Variants in HEATR5A observed in about 807,000 individuals in gnomAD.
HEATR5A encodes HEAT repeat containing 5A.
A neutral mutation model predicts 218.8 loss-of-function variants in HEATR5A; 178 were observed. The ratio of observed to expected loss-of-function variants is 0.81; its 90% CI spans 0.72 to 0.92. The LOEUF is 0.92. Among genes scored for constraint, HEATR5A ranks in the 40% least tolerant of loss-of-function variants. The pLI, the probability that HEATR5A is intolerant of heterozygous loss-of-function variation, is 0.00. For missense variants in HEATR5A, 2,420 were observed against 2,418.9 expected, an observed-to-expected ratio of 1.00 and a Z score of -0.01; for synonymous variants, 864 against 871.6, an observed-to-expected ratio of 0.99 and a Z score of 0.15.
chr14:31,371,593 C>T, intron 13 of HEATR5A: 1 of 340,242 alleles, frequency 2.9e-6, no homozygotes, highest in Non-Finnish European at 5.3e-6. Context: ...CTTGTTAAAT[C>T]TGCCTGTATG....
At chr14:31,396,940 G>A (rs2030677899) in intron 4 of HEATR5A, among the ~76,000 whole-genome samples, 2 of 152,132 alleles carry the variant, frequency 1.3e-5, no homozygotes, top group Admixed American at 6.5e-5. Context: ...GGAATTAGGA[G>A]GAAGAAAGTT....
At chr14:31,349,395 A>G (rs1901135315) in intron 18 of HEATR5A, among the ~76,000 whole-genome samples, 1 of 152,096 alleles carries the variant, frequency 6.6e-6, no homozygotes, top group South Asian at 2.1e-4. Context: ...AAAAAAAAAA[A>G]GACATGAAAG....
At chr14:31,302,570 G>T in intron 32 of HEATR5A, 51 bp from the exon 33 acceptor site, 2 of 1,215,180 alleles carry the variant, frequency 1.6e-6, no homozygotes, top group Admixed American at 2.3e-5. Context: ...TATATATATG[G>T]TTTCTAAAAA....
chr14:31,390,708 C>T (rs1298987206), intron 6 of HEATR5A, among the ~76,000 whole-genome samples: 2 of 151,990 alleles, frequency 1.3e-5, no homozygotes, highest in African/African-American at 2.4e-5. Flanking sequence ...GTGATGTTCA[C>T]GTAAACAACC....
chr14:31,320,488 C>A, intron 25 of HEATR5A: 2 of 1,358,136 alleles, frequency 1.5e-6, no homozygotes, highest in Middle Eastern at 2.1e-4. Flanking sequence ...CCCGTCTGGC[C>A]ACCTGGAGTG....
chr14:31,328,097 T>C (rs1393774546), intron 22 of HEATR5A, among the ~76,000 whole-genome samples: 1 of 152,044 alleles, frequency 6.6e-6, no homozygotes, highest in Non-Finnish European at 1.5e-5. Flanking sequence ...TACAGGCATG[T>C]GCTACCATGC....
chr14:31,383,877 C>T, intron 9 of HEATR5A, 106 bp from the exon 10 acceptor site: 1 of 826,824 alleles, frequency 1.2e-6, no homozygotes, highest in Non-Finnish European at 1.8e-6. Flanking sequence ...ATATTTTTAT[C>T]AAAAGCCACA....
Position 31,292,857 on chromosome 14 carries a change from A to C in HEATR5A, c.*448T>G, listed in dbSNP as rs1899066532. 1 of 153,794 alleles carries C rather than the reference A, an allele frequency of 6.5e-6. No individual in the cohort carries two copies. The highest frequency in any genetic ancestry group is 6.5e-5 in the Admixed American group (1 of 15,478). The allele number at this position is 153,794 out of a possible 1,614,324, so 9.5% of individuals were successfully genotyped here. ...TGGCCTTCCAAAGTGCTGGAATTAC[A>C]GGGATGAGCCACTGTGCCGGGCCAA... On this transcript the variant is annotated 3_prime_UTR_variant, in exon 36 of 36. Transcript: ENST00000543095.
chr14:31,349,845 G>A lies in HEATR5A; in HGVS notation c.2652C>T (p.Ala884=). 6.2e-7 allele frequency: 1 copy of A among 1,612,986 alleles called. No homozygotes were observed. The highest frequency in any genetic ancestry group is 8.5e-7 in the Non-Finnish European group (1 of 1,179,200). The change falls in exon 18 of 36, where the codon GCC becomes GCT. Residue 884 remains alanine, a synonymous_variant. Coordinates refer to ENST00000543095, the MANE Select transcript of HEATR5A (RefSeq NM_015473.4). Reference sequence around the variant, plus strand: ...TAAAAGCTCCATCATCTACCACTTGGGCTAATCTAGCCCATGACTCTGCAG... The same window carrying A: ...TAAAAGCTCCATCATCTACCACTTGAGCTAATCTAGCCCATGACTCTGCAG... The part of the protein sequence containing the change: ...CAAAESWARL[A]QVVDDGAFTA...
At chr14:31,299,116 C>T (rs1409490823) in intron 33 of HEATR5A, among the ~76,000 whole-genome samples, 1 of 152,210 alleles carries the variant, frequency 6.6e-6, no homozygotes, top group Non-Finnish European at 1.5e-5. Context: ...CCATAGGTTA[C>T]ACTGACAGCT....
intron 26 of HEATR5A, among the ~76,000 whole-genome samples, chr14:31,316,751 G>A (rs1019943088): frequency 3.9e-5 from 6 of 152,152 alleles, no homozygotes; most frequent in Non-Finnish European, 8.8e-5. Context: ...GGAATGCAGT[G>A]GTGGCATTAC....
chr14:31,300,174 TAC>T (rs1212949808), intron 33 of HEATR5A, among the ~76,000 whole-genome samples: 1 of 152,172 alleles, frequency 6.6e-6, no homozygotes, highest in African/African-American at 2.4e-5. Flanking sequence ...TCACGACTCT[TAC>T]ACACTCTTCC....
rs555666211 is a variant in HEATR5A at position 31,390,138 on chromosome 14, T to C, written c.773-1133A>G. Among the ~76,000 whole-genome samples, 3 of 152,190 alleles carry C rather than the reference T, an allele frequency of 2.0e-5. No individual in the cohort carries two copies. The South Asian group carries it at 6.2e-4, about 32-fold the overall frequency. On this transcript the variant is annotated intron_variant, in intron 6 of 35. Transcript: ENST00000543095. ...AATGGCTATGACAAAAAGGCCTTTATAGGATGCCAGGTGAGTTTACACAGA... is the reference window on the plus strand; with the variant it reads ...AATGGCTATGACAAAAAGGCCTTTACAGGATGCCAGGTGAGTTTACACAGA...
Position 31,394,531 on chromosome 14 carries a change from T to C in HEATR5A, c.598-305A>G, listed in dbSNP as rs141328345. 8.5e-5 allele frequency among the ~76,000 whole-genome samples: 13 copies of C among 152,108 alleles called. No individual in the cohort carries two copies. The East Asian group carries it at 2.3e-3, about 27-fold the overall frequency. On this transcript the variant is annotated intron_variant, in intron 5 of 35. Transcript: ENST00000543095. ...AGAATAATTCCAACATTAAAAAAAC[T>C]CTGGCTGGGCACGGAGGCTCACACC...
At chr14:31,313,399 G>C (rs1002690695) in intron 27 of HEATR5A, among the ~76,000 whole-genome samples, 3 of 152,098 alleles carry the variant, frequency 2.0e-5, no homozygotes, top group African/African-American at 7.2e-5. Flanking sequence ...AGATGCATTA[G>C]GGATAACAAA....
At chr14:31,341,674 C>T (rs888785223) in intron 21 of HEATR5A, among the ~76,000 whole-genome samples, 4 of 152,122 alleles carry the variant, frequency 2.6e-5, no homozygotes, top group Non-Finnish European at 5.9e-5. Flanking sequence ...GCTGGAACTA[C>T]AGGTATGAGC....
Position 31,394,074 on chromosome 14 carries a change from T to C in HEATR5A, c.750A>G (p.Val250=). Residue 250 remains valine, a synonymous_variant, in exon 6 of 36, where the codon GTA becomes GTG. Coordinates refer to ENST00000543095, the MANE Select transcript of HEATR5A (RefSeq NM_015473.4). ...TACCTGTTCCTGGATGTTTAGAAAT[T>C]ACAGCTTTAGCTAATATTATGCCTA... is the stretch of plus-strand genomic sequence containing the variant. The part of the protein sequence containing the change: ...KLLGIILAKA[V]ISKHPGTAAS... 1 of 1,525,532 alleles carries C rather than the reference T, an allele frequency of 6.6e-7. No homozygotes were observed. The allele number at this position is 1,525,532 out of a possible 1,614,324, so 94.5% of individuals were successfully genotyped here. A position where few individuals can be genotyped will look rare whatever the true frequency, so the allele number is the denominator to read the frequency against.
intron 14 of HEATR5A, among the ~76,000 whole-genome samples, chr14:31,362,392 G>C (rs942713475): frequency 1.3e-5 from 2 of 150,132 alleles, no homozygotes; most frequent in Non-Finnish European, 3.0e-5. Flanking sequence ...CCAATTCTGA[G>C]AAAATCCAAG....
intron 22 of HEATR5A, among the ~76,000 whole-genome samples, chr14:31,327,797 C>T (rs946742449): frequency 2.0e-5 from 3 of 152,064 alleles, no homozygotes; most frequent in Admixed American, 1.3e-4. Flanking sequence ...CAAAGTAATA[C>T]CTCAAAGGGG....
Sources: allele counts gnomAD v4.1 joint callset (sites outside exome capture counted in the v4.1 genomes callset), GRCh38; gene constraint gnomAD v4.1.1; transcripts MANE v1.5; gene names NCBI Gene and HGNC (gene_info 2026-07-23, HGNC 2026-07-21).